PDE2A: variants seen among roughly 807,000 people sequenced by gnomAD.
PDE2A encodes phosphodiesterase 2A.
Under a neutral mutation model 133.6 loss-of-function variants are expected in PDE2A, and 53 were observed. The ratio of observed to expected loss-of-function variants is 0.40; its 90% CI spans 0.32 to 0.50. The LOEUF (loss-of-function observed/expected upper bound fraction) is 0.50. PDE2A is among the 20% of genes least tolerant of loss of function. The probability of loss-of-function intolerance (pLI) is 0.73; values close to 1 mark genes in which losing one functional copy is unlikely to be tolerated. For synonymous variants in PDE2A, 491 were observed against 490.2 expected, an observed-to-expected ratio of 1.00 and a Z score of -0.02; for missense variants, 796 against 1,232.4, an observed-to-expected ratio of 0.65 and a Z score of 5.30.
chr11:72,641,998 G>T (rs911443944), intron 2 of PDE2A, among the ~76,000 whole-genome samples: 1 of 152,232 alleles, frequency 6.6e-6, no homozygotes, highest in Admixed American at 6.5e-5. Context: ...GTGCACTGCG[G>T]TCCCACCGTG....
intron 1 of PDE2A, among the ~76,000 whole-genome samples, chr11:72,650,166 C>T (rs559771326): frequency 2.7e-4 from 41 of 152,104 alleles, no homozygotes; most frequent in African/African-American, 8.9e-4. Flanking sequence ...AGATTACAGG[C>T]GCCTGCCATT....
Position 72,582,425 on chromosome 11 carries a change from G to A in PDE2A, c.1851+19C>T. On this transcript the variant is annotated intron_variant, in intron 21 of 30. Transcript: ENST00000334456. ...ACATACCTTCGGCCTGGCCAGTCAA[G>A]TGGAGGAGAGCAACTCACCATGGAC... The A allele has an allele frequency of 1.2e-6, 2 of 1,612,142 alleles. No homozygotes were observed. Among genetic ancestry groups the A allele is most frequent in the South Asian group, 1.1e-5 (1 of 90,850 alleles).
intron 12 of PDE2A, 92 bp downstream of exon 12, chr11:72,589,083 T>A (rs1247698410): frequency 1.5e-6 from 2 of 1,296,204 alleles, no homozygotes; most frequent in African/African-American, 2.9e-5. Flanking sequence ...ATCTGCCCCA[T>A]TCCTAGGCTG....
intron 2 of PDE2A, among the ~76,000 whole-genome samples, chr11:72,627,479 G>T (rs528749595): frequency 2.3e-4 from 35 of 152,348 alleles, no homozygotes; most frequent in African/African-American, 8.4e-4. Flanking sequence ...AGAAAGGAAA[G>T]GTATTCCAGA....
At chr11:72,582,041 G>T (rs1467665900) in intron 21 of PDE2A, 94 bp from the exon 22 acceptor site, 11 of 952,768 alleles carry the variant, frequency 1.2e-5, no homozygotes, top group Non-Finnish European at 1.9e-5. Context: ...TCAAAATCTG[G>T]AGTCTTAGAA....
At chr11:72,654,769 A>G (rs1854844630) in intron 1 of PDE2A, among the ~76,000 whole-genome samples, 1 of 152,222 alleles carries the variant, frequency 6.6e-6, no homozygotes, top group Non-Finnish European at 1.5e-5. Flanking sequence ...AGATGAATTC[A>G]GCACCCACTA....
intron 2 of PDE2A, among the ~76,000 whole-genome samples, chr11:72,622,600 G>A (rs1225701506): frequency 1.3e-5 from 2 of 152,184 alleles, no homozygotes; most frequent in Admixed American, 1.3e-4. Context: ...GTCACAAAAA[G>A]ACAGATACTA....
In PDE2A at chr11:72,597,375, A is replaced by T; in HGVS notation, c.433+135T>A. 1.7e-6 allele frequency: 1 copy of T among 598,614 alleles called. No individual in the cohort carries two copies. The allele number at this position is 598,614 out of a possible 1,614,324, so 37.1% of individuals were successfully genotyped here. A position where few individuals can be genotyped will look rare whatever the true frequency, so the allele number is the denominator to read the frequency against. On this transcript the variant is annotated intron_variant, in intron 5 of 30. Coordinates refer to ENST00000334456, the MANE Select transcript of PDE2A (RefSeq NM_002599.5). This position sits in a 1 kb window ranked among gnomAD's most constrained non-coding sequence, Gnocchi z 4.6. ...AATAGAGAGAGAATTAGATGGAGGG[A>T]CTGCTAGAGACACAGAGCAAGAGAA...
chr11:72,630,141 G>A (rs1366889981), intron 2 of PDE2A, among the ~76,000 whole-genome samples: 1 of 152,144 alleles, frequency 6.6e-6, no homozygotes, highest in Non-Finnish European at 1.5e-5. Context: ...GGGGGGTGGG[G>A]ATGGCACCCC....
Position 72,578,370 on chromosome 11 carries a change from T to C in PDE2A, c.2509-31A>G. ...GGCATCGAGTCGTCAGGCCTGTCCCTCTCATTCCTCCATCGGGTACCAGGG... is the reference window on the plus strand; with the variant it reads ...GGCATCGAGTCGTCAGGCCTGTCCCCCTCATTCCTCCATCGGGTACCAGGG... On this transcript the variant is annotated intron_variant, in intron 29 of 30. Transcript: ENST00000334456. The surrounding 1 kb of genome is among the most constrained non-coding windows in gnomAD (Gnocchi z 4.2). 1.9e-6 allele frequency: 3 copies of C among 1,582,754 alleles called. No homozygotes were observed. Among genetic ancestry groups the C allele is most frequent in the Non-Finnish European group, 2.6e-6 (3 of 1,151,574 alleles).
Position 72,624,798 on chromosome 11 carries a change from G to A in PDE2A, c.145-16047C>T, listed in dbSNP as rs561724947. 6.6e-5 allele frequency among the ~76,000 whole-genome samples: 10 copies of A among 152,292 alleles called. No homozygotes were observed. The South Asian group carries it at 2.1e-3, about 32-fold the overall frequency. On this transcript the variant is annotated intron_variant, in intron 2 of 30. Coordinates refer to ENST00000334456, the MANE Select transcript of PDE2A (RefSeq NM_002599.5). ...GCCACTGTACACATCTGCTATCATG[G>A]AGTGCCTCACAGCCAGTGTCACATA...
At chr11:72,656,354 C>A (rs1295195384) in intron 1 of PDE2A, among the ~76,000 whole-genome samples, 2 of 152,142 alleles carry the variant, frequency 1.3e-5, no homozygotes, top group Admixed American at 6.5e-5. Context: ...CCAGAAGGAG[C>A]CCTGAGGAGA....
intron 1 of PDE2A, among the ~76,000 whole-genome samples, chr11:72,664,668 C>T (rs1555005808): frequency 2.0e-5 from 3 of 151,564 alleles, no homozygotes; most frequent in East Asian, 2.0e-4. Context: ...CCACCGTGCC[C>T]GGCCTCCCTG....
intron 2 of PDE2A, among the ~76,000 whole-genome samples, chr11:72,629,547 T>C (rs1858265848): frequency 6.6e-6 from 1 of 152,186 alleles, no homozygotes; most frequent in Non-Finnish European, 1.5e-5. Flanking sequence ...ATAATGTGGC[T>C]TTCCAGGCCC....
intron 2 of PDE2A, among the ~76,000 whole-genome samples, chr11:72,613,803 C>A (rs142208305): frequency 1.7e-3 from 253 of 152,284 alleles, no homozygotes; most frequent in African/African-American, 5.8e-3. Flanking sequence ...GGGTGCCAGG[C>A]AAGTGTCATC....
chr11:72,630,967 G>T, intron 2 of PDE2A: 1 of 830,870 alleles, frequency 1.2e-6, no homozygotes. Context: ...GGGCTGGGAT[G>T]TGACTCCAGC....
intron 21 of PDE2A, chr11:72,582,201 G>A (rs905438076): frequency 3.0e-5 from 18 of 608,038 alleles, no homozygotes; most frequent in Middle Eastern, 4.4e-4. Context: ...AAACCCTGAG[G>A]TCACATGCCC....
chr11:72,596,215 C>T (rs1259849710), intron 6 of PDE2A, among the ~76,000 whole-genome samples: 1 of 152,188 alleles, frequency 6.6e-6, no homozygotes, highest in Non-Finnish European at 1.5e-5. Context: ...CCCACCCCAT[C>T]TGGAGGATCC....
intron 1 of PDE2A, among the ~76,000 whole-genome samples, chr11:72,650,533 C>T (rs1005397836): frequency 1.3e-5 from 2 of 152,148 alleles, no homozygotes; most frequent in Non-Finnish European, 2.9e-5. Context: ...CCCCCCGTGC[C>T]CCACCTCACC....
Sources: allele counts gnomAD v4.1 joint callset (sites outside exome capture counted in the v4.1 genomes callset), GRCh38; gene constraint gnomAD v4.1.1; non-coding constraint Gnocchi (gnomAD v3.1); transcripts MANE v1.5; gene names NCBI Gene and HGNC (gene_info 2026-07-23, HGNC 2026-07-21).